DRICH1: variants seen among roughly 807,000 people sequenced by gnomAD.
The protein encoded by DRICH1 is aspartate-rich protein 1.
A neutral mutation model predicts 39.5 loss-of-function variants in DRICH1; 38 were observed. The observed-to-expected ratio is 0.96, with a 90% CI of 0.74 to 1.26. The LOEUF is 1.26. Among genes scored for constraint, DRICH1 ranks in the 50% most tolerant of loss-of-function variants. DRICH1 has a pLI of 0.00. For synonymous variants in DRICH1, 84 were observed against 99.5 expected (o/e 0.84, Z 0.93); for missense variants, 279 against 270.4 (o/e 1.03, Z -0.22).
chr22:23,614,224 C>T lies in DRICH1; in HGVS notation c.542-10G>A. 6.2e-7 allele frequency: 1 copy of T among 1,608,092 alleles called. No individual in the cohort carries two copies. Among genetic ancestry groups the T allele is most frequent in the Non-Finnish European group, 8.5e-7 (1 of 1,174,540 alleles). ...CTATCTTCAGAACAAGCTGGAAGGA[C>T]ACAGAGGAAAGATCAGTGCACCGGT... is the stretch of plus-strand genomic sequence containing the variant. On this transcript the variant is annotated splice_polypyrimidine_tract_variant and intron_variant, in intron 8 of 11. Coordinates refer to ENST00000317749, the MANE Select transcript of DRICH1 (RefSeq NM_016449.4).
intron 8 of DRICH1, among the ~76,000 whole-genome samples, chr22:23,615,563 CCTGA>C (rs1371002087): frequency 2.0e-5 from 3 of 152,150 alleles, no homozygotes; most frequent in African/African-American, 7.2e-5. Context: ...GAAGACTAAA[CCTGA>C]CTAACACACA....
intron 3 of DRICH1, chr22:23,623,999 C>T: frequency 2.1e-6 from 2 of 932,592 alleles, no homozygotes; most frequent in Non-Finnish European, 2.5e-6. Context: ...TGACAGTGTG[C>T]TCAAGGTTGT....
chr22:23,618,013 G>T (rs1192771079), intron 6 of DRICH1, among the ~76,000 whole-genome samples: 3 of 151,936 alleles, frequency 2.0e-5, no homozygotes, highest in African/African-American at 7.3e-5. Context: ...AATTATGCTG[G>T]TACAACATCT....
chr22:23,587,271 A>G, the DRICH1 span, among the ~76,000 whole-genome samples: 3 of 152,058 alleles, frequency 2.0e-5, no homozygotes, highest in Non-Finnish European at 2.9e-5. Context: ...CAGACACCCA[A>G]CTCAAATGGC....
intron 3 of DRICH1, among the ~76,000 whole-genome samples, chr22:23,622,907 C>T (rs1175117548): frequency 6.7e-6 from 1 of 149,850 alleles, no homozygotes; most frequent in African/African-American, 2.4e-5. Flanking sequence ...ATCTGAGAGA[C>T]GTGACTCTGA....
chr22:23,595,964 A>C, the DRICH1 span, among the ~76,000 whole-genome samples: 1 of 152,144 alleles, frequency 6.6e-6, no homozygotes, highest in African/African-American at 2.4e-5. Context: ...ATCATCTTAC[A>C]TCCCTGCATT....
chr22:23,613,353 A>G (rs781215904), intron 10 of DRICH1, 23 bp from the exon 11 acceptor site: 13 of 1,601,742 alleles, frequency 8.1e-6, no homozygotes, highest in African/African-American at 5.4e-5. Context: ...AAACACCAGA[A>G]TAAGTCATTA....
chr22:23,607,332 C>T (rs977938427), downstream of DRICH1, among the ~76,000 whole-genome samples: 6 of 152,212 alleles, frequency 3.9e-5, no homozygotes, highest in South Asian at 2.1e-4. Flanking sequence ...GGTGAGGAAA[C>T]GGAGGCACAG....
At chr22:23,614,366 G>T in intron 8 of DRICH1, 152 bp from the exon 9 acceptor site, 1 of 625,762 alleles carries the variant, frequency 1.6e-6, no homozygotes, top group Non-Finnish European at 2.9e-6. Flanking sequence ...AAGAGGGATG[G>T]CAAAGAAGGG....
At chr22:23,622,559 C>T (rs1442072519) in intron 3 of DRICH1, among the ~76,000 whole-genome samples, 1 of 137,918 alleles carries the variant, frequency 7.3e-6, no homozygotes, top group Non-Finnish European at 1.6e-5. Flanking sequence ...TATGCTGGTA[C>T]TACATTTAGC....
At chr22:23,620,085 A>T (rs1409226473) in intron 5 of DRICH1, among the ~76,000 whole-genome samples, 2 of 152,196 alleles carry the variant, frequency 1.3e-5, no homozygotes, top group African/African-American at 4.8e-5. Flanking sequence ...GAACAAAAAC[A>T]TAGGATACTC....
intron 11 of DRICH1, 23 bp from the exon 12 acceptor site, chr22:23,608,791 T>C (rs2123756766): frequency 6.4e-7 from 1 of 1,557,802 alleles, no homozygotes; most frequent in African/African-American, 1.4e-5. Context: ...ATAATCCCTT[T>C]TTAGTGAGAG....
chr22:23,592,835 T>TACACACACACACAC, the DRICH1 span, among the ~76,000 whole-genome samples: 5 of 135,136 alleles, frequency 3.7e-5, no homozygotes, highest in African/African-American at 8.6e-5. Context: ...CTATTAAAAA[T>TACACACACACACAC]ACACACACAC....
At chr22:23,593,793 TCAAAA>T in the DRICH1 span, among the ~76,000 whole-genome samples, 39 of 151,340 alleles carry the variant, frequency 2.6e-4, no homozygotes, top group East Asian at 2.9e-3. Flanking sequence ...AGACTCCATC[TCAAAA>T]CAAAACAAAA....
downstream of DRICH1, among the ~76,000 whole-genome samples, chr22:23,607,710 G>A (rs923518092): frequency 6.6e-6 from 1 of 152,182 alleles, no homozygotes; most frequent in Non-Finnish European, 1.5e-5. Flanking sequence ...TTTGCACAGA[G>A]GTCCCTTTCC....
At chr22:23,594,045 A>T in the DRICH1 span, among the ~76,000 whole-genome samples, 1 of 152,116 alleles carries the variant, frequency 6.6e-6, no homozygotes. Context: ...CACCATCAAG[A>T]GGACCAAGAT....
intron 3 of DRICH1, chr22:23,624,101 A>G: frequency 7.1e-6 from 7 of 985,402 alleles, no homozygotes; most frequent in Non-Finnish European, 8.4e-6. Context: ...AGATGTCTTG[A>G]TACCAGAGGT....
At chr22:23,614,262 TGA>T (rs1273990492) in intron 8 of DRICH1, 48 bp from the exon 9 acceptor site, 3 of 1,375,396 alleles carry the variant, frequency 2.2e-6, no homozygotes, top group Non-Finnish European at 3.1e-6. Flanking sequence ...TTGGTGACTC[TGA>T]GTCACTCGGG....
At chr22:23,610,801 ACT>A (rs1389761899) in intron 11 of DRICH1, among the ~76,000 whole-genome samples, 1 of 149,912 alleles carries the variant, frequency 6.7e-6, no homozygotes, top group African/African-American at 2.5e-5. Flanking sequence ...CTTTCCTATC[ACT>A]GTCTAAAAGC....
Sources: gnomAD v4.1 joint callset for allele counts (sites outside exome capture counted in the v4.1 genomes callset) on GRCh38, gnomAD v4.1.1 for gene constraint, MANE v1.5 for transcripts, NCBI Gene and HGNC (gene_info 2026-07-23, HGNC 2026-07-21) for gene names.